The following PACRG variants were observed in gnomAD, a reference collection of about 807,000 sequenced individuals.
The protein encoded by PACRG is parkin coregulated, also known as parkin coregulated gene protein.
A neutral mutation model predicts 29.7 loss-of-function variants in PACRG; 29 were observed. That is an observed-to-expected ratio of 0.98 (90% confidence interval 0.73 to 1.33). The LOEUF (loss-of-function observed/expected upper bound fraction) is 1.33. Among genes scored for constraint, PACRG ranks in the 40% most tolerant of loss-of-function variants. PACRG has a pLI of 0.00. For missense variants in PACRG, 279 were observed against 316.2 expected (o/e 0.88, Z 0.89); for synonymous variants, 116 against 118.7 (o/e 0.98, Z 0.15).
intron 3 of PACRG, among the ~76,000 whole-genome samples, chr6:163,087,851 G>A (rs1447556139): frequency 5.0e-4 from 61 of 122,590 alleles, no homozygotes; most frequent in East Asian, 2.8e-4. Context: ...GACTGGGACC[G>A]GAGCAGAGGA....
chr6:163,005,428 T>C (rs1804975731), intron 2 of PACRG, among the ~76,000 whole-genome samples: 2 of 151,964 alleles, frequency 1.3e-5, no homozygotes. Context: ...TCTTTTCTAA[T>C]AGGGATTTTA....
chr6:163,077,500 A>G (rs492214), intron 3 of PACRG, among the ~76,000 whole-genome samples: 33,803 of 152,090 alleles, frequency 0.22, 4,493 homozygotes, highest in East Asian at 0.66. Flanking sequence ...GAAAAACACC[A>G]CCGAGTAAGA....
chr6:163,199,038 C>T (rs1780588949), intron 4 of PACRG, among the ~76,000 whole-genome samples: 1 of 152,286 alleles, frequency 6.6e-6, no homozygotes, highest in Non-Finnish European at 1.5e-5. Flanking sequence ...CAGATATGCA[C>T]CTATGCCAGT....
intron 4 of PACRG, among the ~76,000 whole-genome samples, chr6:163,275,792 C>G (rs1311128398): frequency 6.6e-6 from 1 of 152,052 alleles, no homozygotes; most frequent in Non-Finnish European, 1.5e-5. Context: ...CAACTAAGCT[C>G]TCAAGAATTA....
chr6:163,235,284 G>A (rs903306218), intron 4 of PACRG, among the ~76,000 whole-genome samples: 13 of 152,108 alleles, frequency 8.5e-5, no homozygotes, highest in Non-Finnish European at 1.6e-4. Flanking sequence ...TAATCCTGAA[G>A]CATATACAGA....
chr6:162,947,484 C>A (rs1412797676), intron 2 of PACRG, among the ~76,000 whole-genome samples: 23 of 112,976 alleles, frequency 2.0e-4, no homozygotes, highest in Non-Finnish European at 3.9e-4. Flanking sequence ...TATATATAAT[C>A]ATATATATAC....
At chr6:162,803,022 A>G (rs1346581388) in intron 1 of PACRG, among the ~76,000 whole-genome samples, 5 of 152,030 alleles carry the variant, frequency 3.3e-5, no homozygotes, top group Admixed American at 6.6e-5. Flanking sequence ...AACATAACCA[A>G]CAGCTTAGAC....
chr6:162,829,962 A>G (rs534427148), intron 2 of PACRG, among the ~76,000 whole-genome samples: 5 of 152,278 alleles, frequency 3.3e-5, no homozygotes, highest in Non-Finnish European at 5.9e-5. Flanking sequence ...CACAAAACCA[A>G]TGTGGTATAG....
intron 2 of PACRG, among the ~76,000 whole-genome samples, chr6:162,983,622 C>G (rs1272768465): frequency 6.6e-6 from 1 of 151,950 alleles, no homozygotes; most frequent in Non-Finnish European, 1.5e-5. Context: ...TTTGAGGAGG[C>G]TAAAGATAGG....
chr6:163,031,640 T>A (rs904315969), intron 2 of PACRG, among the ~76,000 whole-genome samples: 5 of 152,240 alleles, frequency 3.3e-5, no homozygotes, highest in African/African-American at 1.2e-4. Context: ...AGGAAAATTA[T>A]TTTTTACATA....
intron 4 of PACRG, among the ~76,000 whole-genome samples, chr6:163,252,514 G>T (rs867550778): frequency 6.6e-6 from 1 of 152,200 alleles, no homozygotes; most frequent in Admixed American, 6.5e-5. Flanking sequence ...TGAGGTAGGC[G>T]CTGATGAGAG....
chr6:162,877,773 A>T (rs1793496028), intron 2 of PACRG, among the ~76,000 whole-genome samples: 1 of 152,150 alleles, frequency 6.6e-6, no homozygotes, highest in Non-Finnish European at 1.5e-5. Context: ...CAGAAATGGC[A>T]TCCCTCTTCT....
chr6:163,047,799 C>A (rs1809552292), intron 2 of PACRG, among the ~76,000 whole-genome samples: 1 of 152,142 alleles, frequency 6.6e-6, no homozygotes, highest in East Asian at 1.9e-4. Flanking sequence ...AAGTTTTAGT[C>A]TACCCAACCA....
At chr6:162,958,874 TATATATATATAGAGAG>T (rs1388636669) in intron 2 of PACRG, among the ~76,000 whole-genome samples, 24 of 44,816 alleles carry the variant, frequency 5.4e-4, no homozygotes, top group Middle Eastern at 0.015. Flanking sequence ...TATATATATA[TATATATATATAGAGAG>T]AGAGAGAGAG....
chr6:163,135,970 A>G (rs1184263077), intron 4 of PACRG, among the ~76,000 whole-genome samples: 1 of 152,146 alleles, frequency 6.6e-6, no homozygotes, highest in Non-Finnish European at 1.5e-5. Context: ...TTTCTGGGTT[A>G]TGTATCTACT....
chr6:162,772,699 G>A (rs572837618), intron 1 of PACRG, among the ~76,000 whole-genome samples: 37 of 152,148 alleles, frequency 2.4e-4, no homozygotes, highest in Non-Finnish European at 3.8e-4. Flanking sequence ...CATTAACCTG[G>A]CAGCAATACA....
At chr6:162,968,003 A>G (rs6455860) in intron 2 of PACRG, among the ~76,000 whole-genome samples, 102,272 of 152,032 alleles carry the variant, frequency 0.67, 34,583 homozygotes, top group East Asian at 0.79. Context: ...AAATATTCCT[A>G]AAGAATATTT....
At chr6:163,159,471 T>C (rs1462398805) in intron 4 of PACRG, among the ~76,000 whole-genome samples, 2 of 152,024 alleles carry the variant, frequency 1.3e-5, no homozygotes, top group Non-Finnish European at 2.9e-5. Flanking sequence ...TTTATACAAT[T>C]TTTAAAAACT....
At position 162,980,889 on chromosome 6, in the gene PACRG, C is replaced by CT. The variant is rs529018380; in HGVS notation, c.292-81252dup. On this transcript the variant is annotated intron_variant, in intron 2 of 4. Coordinates refer to ENST00000366888, the MANE Select transcript of PACRG (RefSeq NM_001080379.2). The stretch of plus-strand genomic sequence containing the variant: ...AAGCAGGAATGGGAGCCATTACTTT[C>CT]TTTTTTTTTATTTCAATAATTTTTG... Among the ~76,000 whole-genome samples, 1,096 of 151,752 alleles carry CT rather than the reference C, an allele frequency of 7.2e-3. 15 individuals are homozygous for CT. The highest frequency in any genetic ancestry group is 0.025 in the African/African-American group (1,017 of 41,422).
Sources: allele counts gnomAD v4.1 joint callset (sites outside exome capture counted in the v4.1 genomes callset), GRCh38; gene constraint gnomAD v4.1.1; transcripts MANE v1.5; gene names NCBI Gene and HGNC (gene_info 2026-07-23, HGNC 2026-07-21).